ENO3: variants seen among roughly 807,000 people sequenced by gnomAD.
ENO3 encodes the protein enolase 3, also known as beta-enolase.
ENO3 carries 46 observed loss-of-function variants against 47.7 expected under a neutral mutation model. That is an observed-to-expected ratio of 0.96 (90% CI 0.76 to 1.23). ENO3 has a LOEUF of 1.23. ENO3 is among the 50% of genes most tolerant of loss of function. The pLI, the probability that ENO3 is intolerant of heterozygous loss-of-function variation, is 0.00. For missense variants in ENO3, 575 were observed against 566.2 expected (o/e 1.02, Z -0.16); for synonymous variants, 223 against 225.9 (o/e 0.99, Z 0.11).
In ENO3 at chr17:4,956,925, C is replaced by A. The variant is rs1444563049; in HGVS notation, c.1235+36C>A. On this transcript the variant is annotated intron_variant, in intron 11 of 11. Transcript: ENST00000519602. Reference sequence around the variant, plus strand: ...AACAGTGGGCCTGGGCATTGGGGTGCTGGAGGCTGTTAGGTTGGAAGTTCA... The same window carrying A: ...AACAGTGGGCCTGGGCATTGGGGTGATGGAGGCTGTTAGGTTGGAAGTTCA... 5 of 1,614,106 alleles carry A rather than the reference C, an allele frequency of 3.1e-6. No individual in the cohort carries two copies. In the African/African-American group the frequency reaches 6.7e-5, roughly 22 times the overall value.
intron 6 of ENO3, among the ~76,000 whole-genome samples, chr17:4,954,531 A>G (rs1191218884): frequency 6.6e-6 from 1 of 152,240 alleles, no homozygotes; most frequent in East Asian, 1.9e-4. Flanking sequence ...ATTATATACT[A>G]GGCACATGCT....
At chr17:4,956,774 G>A in intron 10 of ENO3, 57 bp from the exon 11 acceptor site, 1 of 1,614,134 alleles carries the variant, frequency 6.2e-7, no homozygotes. Context: ...TTGGGGCCAG[G>A]TCCAACCCCT....
chr17:4,956,876 A>G lies in ENO3; in HGVS notation c.1222A>G (p.Asn408Asp). 1.2e-6 allele frequency: 2 copies of G among 1,614,130 alleles called. No individual in the cohort carries two copies. Among genetic ancestry groups the G allele is most frequent in the Non-Finnish European group, 1.7e-6 (2 of 1,180,008 alleles). ...PCRSERLAKY[N>D]QLMRIEEALG... Reference sequence around the variant, plus strand: ...CCGCTCGGAGCGTCTGGCCAAATACAACCAACTCATGAGGTACAGCGGGAA... The same window carrying G: ...CCGCTCGGAGCGTCTGGCCAAATACGACCAACTCATGAGGTACAGCGGGAA... The change falls in exon 11 of 12, where the codon AAC becomes GAC. Residue 408 changes from asparagine to aspartate, a missense_variant. Asn to Asp is a conservative substitution (Grantham distance 23, BLOSUM62 1). Transcript: ENST00000519602.
At chr17:4,952,159 C>G (rs1006664734) in intron 2 of ENO3, 1 of 615,472 alleles carries the variant, frequency 1.6e-6, no homozygotes, top group African/African-American at 1.8e-5. Context: ...TAGAGAGACT[C>G]CCTGTGAGGT....
chr17:4,952,807 C>T lies in ENO3; in HGVS notation c.98C>T (p.Ala33Val), dbSNP rs1264131843. The T allele has an allele frequency of 6.2e-7, 1 of 1,610,622 alleles. No individual in the cohort carries two copies. Among genetic ancestry groups the T allele is most frequent in the Non-Finnish European group, 8.5e-7 (1 of 1,178,176 alleles). Residue 33 changes from alanine (A) to valine (V), a missense_variant, in exon 3 of 12, where the codon GCA becomes GTA. Ala to Val is a moderately conservative substitution (Grantham distance 64, BLOSUM62 0). Coordinates refer to ENST00000519602, the MANE Select transcript of ENO3 (RefSeq NM_053013.4). ...DLHTAKGRFR[A>V]AVPSGASTGI... ...CCTCCTGTCCCAGGCCGATTCCGAGCAGCTGTGCCCAGTGGGGCTTCCACG... is the reference window on the plus strand; with the variant it reads ...CCTCCTGTCCCAGGCCGATTCCGAGTAGCTGTGCCCAGTGGGGCTTCCACG...
chr17:4,951,097 G>A (rs73343373), upstream of ENO3: 4,130 of 986,372 alleles, frequency 4.2e-3, 140 homozygotes, highest in African/African-American at 0.066. Context: ...GGATAAATGC[G>A]CAGCCTGAGA....
chr17:4,951,183 G>A lies in ENO3; in HGVS notation c.-3+1G>A. 2.0e-6 allele frequency: 2 copies of A among 990,984 alleles called. No individual in the cohort carries two copies. Among genetic ancestry groups the A allele is most frequent in the Non-Finnish European group, 2.4e-6 (2 of 833,102 alleles). The allele number at this position is 990,984 out of a possible 1,614,324, so 61.4% of individuals were successfully genotyped here. ...CAAACCTCCAGCGAAGACATCCCAG[G>A]TCGGGTGAATCTTCCAGCCCTGGGG... On this transcript the variant is annotated splice_donor_variant, in intron 1 of 11. Transcript: ENST00000519602. LOFTEE classifies it low-confidence loss of function (5UTR_SPLICE).
chr17:4,950,353 T>A (rs928135970), upstream of ENO3: 1 of 158,862 alleles, frequency 6.3e-6, no homozygotes, highest in South Asian at 2.0e-4. Flanking sequence ...CCACCCGTCC[T>A]CGGTCCATTC....
chr17:4,954,665 A>G (rs189690555), intron 6 of ENO3, among the ~76,000 whole-genome samples: 1 of 152,344 alleles, frequency 6.6e-6, no homozygotes, highest in Admixed American at 6.5e-5. Flanking sequence ...CTGTAATCCC[A>G]GCACTTCGGG....
rs2031798625 is a variant in ENO3, at chr17:4,951,741, G to A, written c.-2-87G>A. On this transcript the variant is annotated intron_variant, in intron 1 of 11. Transcript: ENST00000519602. ...TTTAGCTCCAGCACCTGCCTTCTTGGAGTGGGGAAGAATCTTAAAGGGCAA... is the reference window on the plus strand; with the variant it reads ...TTTAGCTCCAGCACCTGCCTTCTTGAAGTGGGGAAGAATCTTAAAGGGCAA... 5 of 1,440,010 alleles carry A rather than the reference G, an allele frequency of 3.5e-6. No homozygotes were observed. The Admixed American group carries it at 5.0e-5, about 14-fold the overall frequency. The allele number at this position is 1,440,010 out of a possible 1,614,324, so 89.2% of individuals were successfully genotyped here.
chr17:4,955,656 T>C, intron 8 of ENO3, 52 bp downstream of exon 8: 1 of 1,608,214 alleles, frequency 6.2e-7, no homozygotes, highest in Non-Finnish European at 8.5e-7. Flanking sequence ...TGCAGCTGCC[T>C]AATATACTGA....
Position 4,957,117 on chromosome 17 carries a change from T to C in ENO3, c.*70T>C, listed in dbSNP as rs1971764931. ...CAGACCTGCTTCCTGAAATAAACAC[T>C]GGTGCCAACCAAGACAGCTGTGTGC... On this transcript the variant is annotated 3_prime_UTR_variant, in exon 12 of 12. Transcript: ENST00000519602. 2 of 1,583,972 alleles carry C rather than the reference T, an allele frequency of 1.3e-6. No homozygotes were observed.
At chr17:4,956,542 G>A (rs779245276) in intron 9 of ENO3, 31 bp from the exon 10 acceptor site, 1 of 1,611,320 alleles carries the variant, frequency 6.2e-7, no homozygotes, top group East Asian at 2.2e-5. Flanking sequence ...GGAGGTTCTA[G>A]AAGGCCACAT....
chr17:4,953,033 A>C lies in ENO3; in HGVS notation c.182-18A>C, dbSNP rs2151140536. 1 of 1,614,102 alleles carries C rather than the reference A, an allele frequency of 6.2e-7. No homozygotes were observed. Among genetic ancestry groups the C allele is most frequent in the Non-Finnish European group, 8.5e-7 (1 of 1,179,988 alleles). ...CCCAGTTGATTGAGCTCCAAAACTC[A>C]TCCTCTGGCCTGTCTAGGAGTCCTG... is the stretch of plus-strand genomic sequence containing the variant. On this transcript the variant is annotated intron_variant, in intron 3 of 11. Coordinates refer to ENST00000519602, the MANE Select transcript of ENO3 (RefSeq NM_053013.4).
rs1253240565 is a variant in ENO3 at position 4,955,959 on chromosome 17, C to G, written c.883C>G (p.Pro295Ala). The G allele has an allele frequency of 1.2e-6, 2 of 1,613,500 alleles. No individual in the cohort carries two copies. Among genetic ancestry groups the G allele is most frequent in the Admixed American group, 1.7e-5 (1 of 59,956 alleles). ...CCCACCAGTGGTCTCCATCGAAGAC[C>G]CCTTTGACCAGGATGACTGGGCCAC... is the stretch of plus-strand genomic sequence containing the variant. ...KNYPVVSIEDPFDQDDWATWT... is the reference protein window; with the variant it reads ...KNYPVVSIEDAFDQDDWATWT... The change falls in exon 9 of 12, where the codon CCC (proline) becomes GCC (alanine). Residue 295 changes from proline (P) to alanine (A), a missense_variant. Physicochemically the swap from Pro to Ala is conservative, Grantham distance 27. Coordinates refer to ENST00000519602, the MANE Select transcript of ENO3 (RefSeq NM_053013.4).
chr17:4,952,650 G>C (rs1212367702), intron 2 of ENO3, 145 bp from the exon 3 acceptor site: 27 of 839,860 alleles, frequency 3.2e-5, no homozygotes, highest in Non-Finnish European at 4.6e-5. Context: ...TTTTAGCAGA[G>C]ACGGTTTCGC....
At position 4,951,876 on chromosome 17, in the gene ENO3, G is replaced by T; in HGVS notation, c.47G>T (p.Gly16Val). ...GCCCGGGAAATCTTGGACTCCAGGG[G>T]CAACCCCACGGTGGAGGTGGACCTG... ...IFAREILDSR[G>V]NPTVEVDLHT... Residue 16 changes from glycine (G) to valine (V), a missense_variant, in exon 2 of 12, where the codon GGC becomes GTC. Coordinates refer to ENST00000519602, the MANE Select transcript of ENO3 (RefSeq NM_053013.4). The T allele has an allele frequency of 6.2e-7, 1 of 1,614,136 alleles. No individual in the cohort carries two copies. The highest frequency in any genetic ancestry group is 8.5e-7 in the Non-Finnish European group (1 of 1,180,000).
rs560867570 is a variant in ENO3, at chr17:4,955,082, A to G, written c.452A>G (p.Asn151Ser). ...PDLILPVPAF[N>S]VINGGSHAGN... ...ACCCTCTCCCCATCTCAGGCCTTCA[A>G]TGTGATCAACGGGGGCTCCCATGCT... The change falls in exon 7 of 12, where the codon AAT becomes AGT. Residue 151 changes from asparagine to serine, a missense_variant. Transcript: ENST00000519602. 6.7e-5 allele frequency: 108 copies of G among 1,613,266 alleles called. 1 individual carries two copies. The highest frequency in any genetic ancestry group is 1.2e-4 in the South Asian group (11 of 91,076).
rs529618646 is a variant in ENO3 at position 4,952,049 on chromosome 17, C to T, written c.85+135C>T. On this transcript the variant is annotated intron_variant, in intron 2 of 11. Transcript: ENST00000519602. The stretch of plus-strand genomic sequence containing the variant: ...GACTTCTTCCCAAGCCCCCTTCTTC[C>T]AACGTGGAACCAGAGCTGGAAGCTA... 5.1e-5 allele frequency: 48 copies of T among 932,714 alleles called. No homozygotes were observed. In the African/African-American group the frequency reaches 7.5e-4, roughly 15 times the overall value. The allele number at this position is 932,714 out of a possible 1,614,324, so 57.8% of individuals were successfully genotyped here.
Sources: gnomAD v4.1 joint callset for allele counts (sites outside exome capture counted in the v4.1 genomes callset) on GRCh38, gnomAD v4.1.1 for gene constraint, MANE v1.5 for transcripts, NCBI Gene and HGNC (gene_info 2026-07-23, HGNC 2026-07-21) for gene names.